SMYD2: variants seen among roughly 807,000 people sequenced by gnomAD.
SMYD2 encodes N-lysine methyltransferase SMYD2.
SMYD2 carries 53 observed loss-of-function variants against 59.1 expected under a neutral mutation model. The ratio of observed to expected loss-of-function variants is 0.90; its 90% CI spans 0.72 to 1.13. The LOEUF (loss-of-function observed/expected upper bound fraction) is 1.13, where lower values mean the gene tolerates loss of function less well. SMYD2 is among the 50% of genes most tolerant of loss of function. The pLI is 0.00. For synonymous variants in SMYD2, 208 were observed against 198.8 expected (o/e 1.05, Z -0.39); for missense variants, 494 against 544.7 (o/e 0.91, Z 0.93).
At chr1:214,314,301 T>C (rs1309458744) in intron 2 of SMYD2, among the ~76,000 whole-genome samples, 1 of 152,180 alleles carries the variant, frequency 6.6e-6, no homozygotes, top group Non-Finnish European at 1.5e-5. Context: ...TTTTAAAAAG[T>C]CGCCTGTAAA....
chr1:214,331,489 C>T (rs1476209145), intron 9 of SMYD2: 1 of 188,254 alleles, frequency 5.3e-6, no homozygotes, highest in African/African-American at 2.3e-5. Flanking sequence ...AGTAATTTGC[C>T]CAAAGGACAC....
At chr1:214,292,757 G>A (rs1656657252) in intron 1 of SMYD2, among the ~76,000 whole-genome samples, 1 of 151,942 alleles carries the variant, frequency 6.6e-6, no homozygotes, top group African/African-American at 2.4e-5. Flanking sequence ...CCCTCCCATC[G>A]TATCCAGCAT....
At position 214,318,749 on chromosome 1, in the gene SMYD2, T is replaced by G. The variant is rs563227394; in HGVS notation, c.410-110T>G. 1.2e-3 allele frequency: 699 copies of G among 590,068 alleles called. 2 individuals carry two copies. In the South Asian group the frequency reaches 0.018, roughly 15 times the overall value. 36.6% of individuals were successfully genotyped at this position (590,068 alleles called of 1,614,324 possible). On this transcript the variant is annotated intron_variant, in intron 4 of 11. Transcript: ENST00000366957. The surrounding 1 kb of genome is among the most constrained non-coding windows in gnomAD (Gnocchi z 5.4). ...GGGGGTTCAACATGTTAGTTTTGGG[T>G]TTTTTTTTTTTCGCCCGTTCCTTTC...
chr1:214,281,552 G>C (rs1558045525), intron 1 of SMYD2, 125 bp downstream of exon 1: 3 of 803,994 alleles, frequency 3.7e-6, no homozygotes, highest in Non-Finnish European at 4.7e-6. Flanking sequence ...GGCGGGGTGG[G>C]GGGCGGGGAG....
chr1:214,326,518 G>T (rs907861625), intron 6 of SMYD2, among the ~76,000 whole-genome samples: 3 of 152,128 alleles, frequency 2.0e-5, no homozygotes, highest in African/African-American at 7.2e-5. Flanking sequence ...TTTCCAGGAA[G>T]CCAAGTGGGC....
rs370515828 is a variant in SMYD2, at chr1:214,336,694, T to C, written c.1222-10T>C. On this transcript the variant is annotated splice_polypyrimidine_tract_variant and intron_variant, in intron 11 of 11. Transcript: ENST00000366957. ...TCTAGGCTCTCATTGTTTGTCTTGC[T>C]TTTTCCTAGGCCATTGCAATCATGG... The C allele has an allele frequency of 1.7e-5, 28 of 1,612,802 alleles. No homozygotes were observed. The East Asian group carries it at 2.5e-4, about 14-fold the overall frequency.
chr1:214,289,845 G>T (rs1054084853), intron 1 of SMYD2, among the ~76,000 whole-genome samples: 1 of 152,182 alleles, frequency 6.6e-6, no homozygotes, highest in Non-Finnish European at 1.5e-5. Flanking sequence ...AGGGAGGCAG[G>T]GCATTTTGAG....
intron 6 of SMYD2, among the ~76,000 whole-genome samples, chr1:214,326,335 G>C (rs1657261773): frequency 6.6e-6 from 1 of 151,992 alleles, no homozygotes; most frequent in Admixed American, 6.6e-5. Context: ...ATTGTTTTAG[G>C]GTCTTTGACT....
At chr1:214,297,317 T>G (rs1436447516) in intron 1 of SMYD2, among the ~76,000 whole-genome samples, 2 of 151,982 alleles carry the variant, frequency 1.3e-5, no homozygotes, top group Admixed American at 6.6e-5. Context: ...ATTTCAGGTT[T>G]TTTTTTTTTT....
intron 3 of SMYD2, 137 bp downstream of exon 3, chr1:214,315,009 CAG>C (rs1558054217): frequency 7.4e-6 from 5 of 678,128 alleles, no homozygotes; most frequent in African/African-American, 1.8e-5. Context: ...TCCATATGGA[CAG>C]GGGTGGGGAA....
intron 1 of SMYD2, among the ~76,000 whole-genome samples, chr1:214,295,025 A>T (rs1656701207): frequency 6.6e-6 from 1 of 152,226 alleles, no homozygotes; most frequent in African/African-American, 2.4e-5. Context: ...AACATCTGTC[A>T]TTTAACTGGA....
intron 1 of SMYD2, among the ~76,000 whole-genome samples, chr1:214,284,635 T>C: frequency 6.6e-6 from 1 of 151,838 alleles, no homozygotes; most frequent in East Asian, 1.9e-4. Flanking sequence ...GGCACGATCT[T>C]GGCTCACTGC....
At chr1:214,304,411 T>G (rs997260046) in intron 1 of SMYD2, among the ~76,000 whole-genome samples, 1 of 151,720 alleles carries the variant, frequency 6.6e-6, no homozygotes, top group African/African-American at 2.4e-5. Flanking sequence ...ATACAAAAAT[T>G]AGCCAGGCAT....
At position 214,318,972 on chromosome 1, in the gene SMYD2, C is replaced by T; in HGVS notation, c.523C>T (p.Leu175Phe). The change falls in exon 5 of 12, where the codon CTC becomes TTC. Residue 175 changes from leucine to phenylalanine, a missense_variant. Leu to Phe is a conservative substitution (Grantham distance 22). Coordinates refer to ENST00000366957, the MANE Select transcript of SMYD2 (RefSeq NM_020197.3). The surrounding 1 kb of genome is among the most constrained non-coding windows in gnomAD (Gnocchi z 5.4). ...CCCTGACAATGATAGCCTCGTAGTACTCTTTGCACAGGTAAGGACGCTGGC... is the reference window on the plus strand; with the variant it reads ...CCCTGACAATGATAGCCTCGTAGTATTCTTTGCACAGGTAAGGACGCTGGC... The part of the protein sequence containing the change: ...GFPDNDSLVV[L>F]FAQVNCNGFT... The T allele has an allele frequency of 2.5e-6, 4 of 1,614,084 alleles. No homozygotes were observed. The Admixed American group carries it at 5.0e-5, about 20-fold the overall frequency.
In SMYD2 at chr1:214,281,417, T is replaced by A; in HGVS notation, c.163T>A (p.Cys55Ser). The change falls in exon 1 of 12, where the codon TGC (cysteine) becomes AGC (serine). Residue 55 changes from cysteine to serine, a missense_variant. Coordinates refer to ENST00000366957, the MANE Select transcript of SMYD2 (RefSeq NM_020197.3). Reference sequence around the variant, plus strand: ...CGAGCGGGGCAACCACTGCGAGTACTGCTTCACCAGGTAGGGCGGCGGCGG... The same window carrying A: ...CGAGCGGGGCAACCACTGCGAGTACAGCTTCACCAGGTAGGGCGGCGGCGG... ...VNERGNHCEY[C>S]FTRKEGLSKC... 1 of 1,441,072 alleles carries A rather than the reference T, an allele frequency of 6.9e-7. No individual in the cohort carries two copies. Among genetic ancestry groups the A allele is most frequent in the Non-Finnish European group, 9.2e-7 (1 of 1,091,842 alleles). 89.3% of individuals were successfully genotyped at this position (1,441,072 alleles called of 1,614,324 possible). A position where few individuals can be genotyped will look rare whatever the true frequency, so the allele number is the denominator to read the frequency against.
chr1:214,334,226 A>C lies in SMYD2; in HGVS notation c.1139A>C (p.Asn380Thr). The change falls in exon 11 of 12, where the codon AAC (asparagine) becomes ACC (threonine). Residue 380 changes from asparagine to threonine, a missense_variant. Coordinates refer to ENST00000366957, the MANE Select transcript of SMYD2 (RefSeq NM_020197.3). The part of the protein sequence containing the change: ...YSKHYPLYSL[N>T]VASMWLKLGR... ...AAGCACTATCCTTTGTACTCCCTCA[A>C]CGTGGCCTCCATGTGGTTGAAGCTA... is the stretch of plus-strand genomic sequence containing the variant. 6.2e-7 allele frequency: 1 copy of C among 1,613,964 alleles called. No homozygotes were observed. Among genetic ancestry groups the C allele is most frequent in the Non-Finnish European group, 8.5e-7 (1 of 1,179,988 alleles).
At chr1:214,301,958 A>G (rs1481767887) in intron 1 of SMYD2, among the ~76,000 whole-genome samples, 1 of 152,134 alleles carries the variant, frequency 6.6e-6, no homozygotes, top group Non-Finnish European at 1.5e-5. Context: ...AAGAATCGAG[A>G]TTTAGTAAAG....
intron 11 of SMYD2, among the ~76,000 whole-genome samples, chr1:214,335,516 G>A (rs1347100154): frequency 6.6e-6 from 1 of 152,176 alleles, no homozygotes; most frequent in East Asian, 1.9e-4. Context: ...GATCTAGGAG[G>A]AGAATATATA....
At chr1:214,322,360 T>C (rs11120295) in intron 5 of SMYD2, among the ~76,000 whole-genome samples, 72,703 of 152,024 alleles carry the variant, frequency 0.48, 17,570 homozygotes, top group East Asian at 0.62. Flanking sequence ...GGTTAATGGT[T>C]GTTAGTCAAT....
Sources: gnomAD v4.1 joint callset for allele counts (sites outside exome capture counted in the v4.1 genomes callset) on GRCh38, gnomAD v4.1.1 for gene constraint, Gnocchi (gnomAD v3.1) non-coding constraint, MANE v1.5 for transcripts, NCBI Gene and HGNC (gene_info 2026-07-23, HGNC 2026-07-21) for gene names.